The following HMGCLL1 variants were observed in gnomAD, a reference collection of about 807,000 sequenced individuals.
HMGCLL1 encodes the protein 3-hydroxy-3-methylglutaryl-CoA lyase like 1.
Under a neutral mutation model 39.1 loss-of-function variants are expected in HMGCLL1, and 36 were observed. The ratio of observed to expected loss-of-function variants is 0.92; its 90% CI spans 0.71 to 1.22. HMGCLL1 has a LOEUF of 1.22. Ranked by LOEUF, HMGCLL1 falls within the 50% of genes most tolerant of loss-of-function variation. The probability of loss-of-function intolerance (pLI) is 0.00; values close to 1 mark genes in which losing one functional copy is unlikely to be tolerated. For synonymous variants in HMGCLL1, 149 were observed against 144.0 expected (o/e 1.03, Z -0.25); for missense variants, 451 against 416.5 (o/e 1.08, Z -0.72).
intron 7 of HMGCLL1, among the ~76,000 whole-genome samples, chr6:55,448,214 A>T (rs1440831470): frequency 6.6e-6 from 1 of 151,964 alleles, no homozygotes; most frequent in Non-Finnish European, 1.5e-5. Context: ...CAGTGAAAAT[A>T]AGTTCATAGG....
the HMGCLL1 span, among the ~76,000 whole-genome samples, chr6:55,643,607 C>T: frequency 2.0e-5 from 3 of 151,902 alleles, no homozygotes; most frequent in African/African-American, 7.2e-5. Context: ...CCCCCACTCC[C>T]CACCACATAC....
At chr6:55,477,403 AT>A (rs1765488486) in intron 7 of HMGCLL1, among the ~76,000 whole-genome samples, 1 of 30,508 alleles carries the variant, frequency 3.3e-5, no homozygotes, top group South Asian at 8.0e-4. Flanking sequence ...AATATATATT[AT>A]CTAAATATAT....
intron 7 of HMGCLL1, among the ~76,000 whole-genome samples, chr6:55,477,448 A>AATATAATATATATT (rs1765507958): frequency 1.8e-5 from 1 of 56,186 alleles, no homozygotes; most frequent in South Asian, 4.9e-4. Context: ...TTATATATAT[A>AATATAATATATATT]ATATATTACA....
the HMGCLL1 span, among the ~76,000 whole-genome samples, chr6:55,651,031 C>G: frequency 1.3e-5 from 2 of 152,076 alleles, no homozygotes; most frequent in East Asian, 1.9e-4. Flanking sequence ...GTTGGTCTAT[C>G]CTGCTGTGGC....
At chr6:55,587,975 G>A in the HMGCLL1 span, among the ~76,000 whole-genome samples, 3 of 152,270 alleles carry the variant, frequency 2.0e-5, no homozygotes, top group Non-Finnish European at 4.4e-5. Flanking sequence ...ACACCGCACT[G>A]TCAACATTAG....
the HMGCLL1 span, among the ~76,000 whole-genome samples, chr6:55,591,083 T>C: frequency 6.6e-6 from 1 of 152,008 alleles, no homozygotes; most frequent in Non-Finnish European, 1.5e-5. Context: ...ACTTTTTATG[T>C]ACATGGTATT....
At chr6:55,657,294 G>T in the HMGCLL1 span, among the ~76,000 whole-genome samples, 1 of 151,994 alleles carries the variant, frequency 6.6e-6, no homozygotes, top group African/African-American at 2.4e-5. Flanking sequence ...GTCCTGAGTG[G>T]TATTGCCTAG....
intron 7 of HMGCLL1, among the ~76,000 whole-genome samples, chr6:55,478,676 T>C (rs1381856141): frequency 1.3e-5 from 2 of 151,352 alleles, no homozygotes; most frequent in Admixed American, 6.6e-5. Flanking sequence ...TATATATATA[T>C]TTATTTTCTC....
intron 5 of HMGCLL1, 149 bp from the exon 6 acceptor site, chr6:55,499,448 G>C: frequency 1.9e-6 from 1 of 521,894 alleles, no homozygotes; most frequent in Non-Finnish European, 3.3e-6. Context: ...CAAACCAAAT[G>C]AAGTTTGAAG....
chr6:55,477,630 TA>T (rs2127410353), intron 7 of HMGCLL1, among the ~76,000 whole-genome samples: 1 of 145,362 alleles, frequency 6.9e-6, no homozygotes, highest in East Asian at 2.0e-4. Context: ...AATAGATAAG[TA>T]AATATATGAG....
chr6:55,673,531 A>T, the HMGCLL1 span, among the ~76,000 whole-genome samples: 2 of 152,074 alleles, frequency 1.3e-5, no homozygotes, highest in Non-Finnish European at 2.9e-5. Context: ...GGGCGAACGA[A>T]CATGCTTTGG....
intron 7 of HMGCLL1, among the ~76,000 whole-genome samples, chr6:55,462,666 A>G (rs1001164786): frequency 7.9e-5 from 12 of 152,218 alleles, no homozygotes; most frequent in Non-Finnish European, 1.5e-4. Context: ...AATGCCAGCC[A>G]TCTTTACCTG....
chr6:55,604,161 G>C, the HMGCLL1 span, among the ~76,000 whole-genome samples: 1 of 152,086 alleles, frequency 6.6e-6, no homozygotes, highest in African/African-American at 2.4e-5. Context: ...GTTGCTGCAG[G>C]CTTCACCCCT....
the HMGCLL1 span, among the ~76,000 whole-genome samples, chr6:55,603,895 T>C: frequency 1.3e-5 from 2 of 152,204 alleles, no homozygotes; most frequent in South Asian, 4.1e-4. Context: ...TTTTCTCGCA[T>C]ATTGAAGTTA....
At chr6:55,648,108 T>C in the HMGCLL1 span, among the ~76,000 whole-genome samples, 5,731 of 133,478 alleles carry the variant, frequency 0.043, 127 homozygotes, top group Non-Finnish European at 0.062. Context: ...CTCATCATTT[T>C]TTATGGCTGC....
the HMGCLL1 span, among the ~76,000 whole-genome samples, chr6:55,650,110 T>TATATATATACACACATATAC: frequency 9.4e-5 from 7 of 74,524 alleles, no homozygotes; most frequent in South Asian, 5.1e-4. Flanking sequence ...TATATATATA[T>TATATATATACACACATATAC]ATATATATAT....
At chr6:55,650,531 C>A in the HMGCLL1 span, among the ~76,000 whole-genome samples, 1 of 152,002 alleles carries the variant, frequency 6.6e-6, no homozygotes, top group South Asian at 2.1e-4. Context: ...ATGCAAGCAA[C>A]CTTGTGGCCA....
At chr6:55,621,416 C>T in the HMGCLL1 span, among the ~76,000 whole-genome samples, 1 of 152,000 alleles carries the variant, frequency 6.6e-6, no homozygotes. Context: ...AAAGATTCAT[C>T]TGTATTTATA....
intron 3 of HMGCLL1, among the ~76,000 whole-genome samples, chr6:55,536,368 A>C (rs924053513): frequency 6.6e-6 from 1 of 152,194 alleles, no homozygotes; most frequent in Non-Finnish European, 1.5e-5. Context: ...TGTATATTTA[A>C]TGTATTTTTA....
Sources: gnomAD v4.1 joint callset for allele counts (sites outside exome capture counted in the v4.1 genomes callset) on GRCh38, gnomAD v4.1.1 for gene constraint, MANE v1.5 for transcripts, NCBI Gene and HGNC (gene_info 2026-07-23, HGNC 2026-07-21) for gene names.